The following SKAP1 variants were observed in gnomAD, a reference collection of about 807,000 sequenced individuals.
SKAP1 encodes src kinase-associated phosphoprotein 1.
A neutral mutation model predicts 58.5 loss-of-function variants in SKAP1; 44 were observed. That is an observed-to-expected ratio of 0.75 (90% CI 0.59 to 0.97). The LOEUF is 0.97. Among genes scored for constraint, SKAP1 ranks in the 50% least tolerant of loss-of-function variants. The pLI is 0.00. For missense variants in SKAP1, 390 were observed against 435.2 expected (o/e 0.90, Z 0.92); for synonymous variants, 127 against 149.7 (o/e 0.85, Z 1.11).
At chr17:48,388,109 G>A (rs188247246) in intron 2 of SKAP1, among the ~76,000 whole-genome samples, 9 of 152,222 alleles carry the variant, frequency 5.9e-5, no homozygotes, top group Admixed American at 5.9e-4. Flanking sequence ...TTCCTGAAAT[G>A]CAAAGTCAAA....
chr17:48,216,734 C>T (rs2064944913), intron 4 of SKAP1, among the ~76,000 whole-genome samples: 1 of 152,110 alleles, frequency 6.6e-6, no homozygotes, highest in South Asian at 2.1e-4. Context: ...TCAAGCGATT[C>T]AACCACCTCG....
chr17:48,184,875 C>T (rs374253102), intron 6 of SKAP1, 28 bp from the exon 7 acceptor site: 1 of 1,596,968 alleles, frequency 6.3e-7, no homozygotes, highest in Non-Finnish European at 8.5e-7. Flanking sequence ...TCCCTGTATC[C>T]CTAGAGAGAT....
At chr17:48,306,550 T>C (rs1485776751) in intron 4 of SKAP1, among the ~76,000 whole-genome samples, 1 of 152,186 alleles carries the variant, frequency 6.6e-6, no homozygotes, top group African/African-American at 2.4e-5. Flanking sequence ...AAATAATATA[T>C]CTTGCAACAA....
intron 2 of SKAP1, among the ~76,000 whole-genome samples, chr17:48,367,297 G>A (rs1004863817): frequency 6.6e-6 from 1 of 151,868 alleles, no homozygotes; most frequent in Non-Finnish European, 1.5e-5. Flanking sequence ...CTATAATTAA[G>A]TATTTCTGTC....
At position 48,367,775 on chromosome 17, in the gene SKAP1, G is replaced by T. The variant is rs529919570; in HGVS notation, c.153-3961C>A. ...TCTACAAAAGGTATAAAAATTAGCC[G>T]GGCGTGGTGGCACATGCTAGTCCTA... On this transcript the variant is annotated intron_variant, in intron 2 of 12. Coordinates refer to ENST00000336915, the MANE Select transcript of SKAP1 (RefSeq NM_003726.4). Among the ~76,000 whole-genome samples, 282 of 151,232 alleles carry T rather than the reference G, an allele frequency of 1.9e-3. 1 individual carries two copies. The highest frequency in any genetic ancestry group is 6.7e-3 in the African/African-American group (276 of 41,300).
chr17:48,162,359 T>A (rs2143286830), intron 11 of SKAP1, 110 bp downstream of exon 11: 1 of 583,714 alleles, frequency 1.7e-6, no homozygotes, highest in South Asian at 2.9e-5. Flanking sequence ...GAATTTATAT[T>A]GTGAGGGAGC....
intron 4 of SKAP1, among the ~76,000 whole-genome samples, chr17:48,335,936 C>G (rs1280668853): frequency 6.6e-6 from 1 of 152,120 alleles, no homozygotes; most frequent in Admixed American, 6.5e-5. Flanking sequence ...TGCGTACGCA[C>G]AGATACATAT....
chr17:48,411,530 T>C lies in SKAP1; in HGVS notation c.47-14745A>G, dbSNP rs1051222053. Among the ~76,000 whole-genome samples the C allele has an allele frequency of 5.9e-5, 9 of 152,302 alleles. No individual in the cohort carries two copies. The East Asian group carries it at 1.7e-3, about 29-fold the overall frequency. ...AGTGGGGGAGCATAACTCCCACTCCTTAAGTGTGGGGTGCACATAGCAACT... is the reference window on the plus strand; with the variant it reads ...AGTGGGGGAGCATAACTCCCACTCCCTAAGTGTGGGGTGCACATAGCAACT... On this transcript the variant is annotated intron_variant, in intron 1 of 12. Transcript: ENST00000336915.
intron 3 of SKAP1, among the ~76,000 whole-genome samples, chr17:48,355,721 G>A (rs1292033586): frequency 3.9e-5 from 6 of 152,020 alleles, no homozygotes; most frequent in Non-Finnish European, 8.8e-5. Context: ...CAACTACTTG[G>A]GTGGCTGAGG....
At chr17:48,290,526 T>C (rs1475438203) in intron 4 of SKAP1, among the ~76,000 whole-genome samples, 1 of 152,228 alleles carries the variant, frequency 6.6e-6, no homozygotes, top group Non-Finnish European at 1.5e-5. Flanking sequence ...TAATCTGTTT[T>C]ATGTTCTTGA....
chr17:48,286,687 A>C (rs2065833666), intron 4 of SKAP1, among the ~76,000 whole-genome samples: 1 of 152,204 alleles, frequency 6.6e-6, no homozygotes, highest in South Asian at 2.1e-4. Context: ...TCCCATAACA[A>C]ACACACACAC....
At chr17:48,197,916 C>T (rs2064661928) in intron 4 of SKAP1, among the ~76,000 whole-genome samples, 2 of 152,254 alleles carry the variant, frequency 1.3e-5, no homozygotes, top group East Asian at 1.9e-4. Flanking sequence ...CTTCACTTTC[C>T]GTGGGATTTT....
intron 8 of SKAP1, 135 bp downstream of exon 8, chr17:48,182,259 T>C: frequency 4.6e-6 from 3 of 658,726 alleles, no homozygotes; most frequent in Non-Finnish European, 8.0e-6. Context: ...TGTTGTAATA[T>C]GGGGAATGTG....
At chr17:48,238,512 A>G (rs1161422574) in intron 4 of SKAP1, among the ~76,000 whole-genome samples, 1 of 151,578 alleles carries the variant, frequency 6.6e-6, no homozygotes, top group Non-Finnish European at 1.5e-5. Flanking sequence ...CAATCCTTTC[A>G]TCTCAACCTC....
chr17:48,296,850 A>G (rs940718331), intron 4 of SKAP1, among the ~76,000 whole-genome samples: 1 of 152,144 alleles, frequency 6.6e-6, no homozygotes, highest in African/African-American at 2.4e-5. Flanking sequence ...TAATTAGGAA[A>G]AAAAAAAGCA....
chr17:48,224,028 GAGAGAGAAGA>G (rs1224621535), intron 4 of SKAP1, among the ~76,000 whole-genome samples: 1 of 125,100 alleles, frequency 8.0e-6, no homozygotes, highest in African/African-American at 3.0e-5. Context: ...GAGAGAGAGA[GAGAGAGAAGA>G]AGGAGGAGGA....
At chr17:48,393,896 ACC>A (rs55887429) in intron 2 of SKAP1, among the ~76,000 whole-genome samples, 3 of 151,848 alleles carry the variant, frequency 2.0e-5, no homozygotes, top group African/African-American at 7.3e-5. Context: ...ATAGGTTACC[ACC>A]CCCCCCAAAT....
At chr17:48,439,014 T>TCAAACAAAATCA in the SKAP1 span, among the ~76,000 whole-genome samples, 1 of 152,202 alleles carries the variant, frequency 6.6e-6, no homozygotes, top group Non-Finnish European at 1.5e-5. Context: ...GTTTGAAGGA[T>TCAAACAAAATCA]TAGAAACTAA....
At chr17:48,145,802 G>A (rs1176384772) in intron 11 of SKAP1, among the ~76,000 whole-genome samples, 4 of 152,120 alleles carry the variant, frequency 2.6e-5, no homozygotes, top group Non-Finnish European at 4.4e-5. Flanking sequence ...GCACAGACAT[G>A]ACCTGGAATG....
Sources: gnomAD v4.1 joint callset for allele counts (sites outside exome capture counted in the v4.1 genomes callset) on GRCh38, gnomAD v4.1.1 for gene constraint, MANE v1.5 for transcripts, NCBI Gene and HGNC (gene_info 2026-07-23, HGNC 2026-07-21) for gene names.